The following NFASC variants were observed in gnomAD, a reference collection of about 807,000 sequenced individuals.
The protein encoded by NFASC is neurofascin, also known as neurofascin homolog.
NFASC carries 43 observed loss-of-function variants against 147.5 expected under a neutral mutation model. The observed-to-expected ratio is 0.29, with a 90% CI of 0.23 to 0.38. The LOEUF (loss-of-function observed/expected upper bound fraction) is 0.38. Among genes scored for constraint, NFASC ranks in the 10% least tolerant of loss-of-function variants. NFASC has a pLI of 1.00. For synonymous variants in NFASC, 622 were observed against 665.5 expected (o/e 0.93, Z 1.01); for missense variants, 1,320 against 1,689.0 (o/e 0.78, Z 3.83).
chr1:204,908,801 T>C (rs148026827), intron 1 of NFASC, among the ~76,000 whole-genome samples: 8 of 152,300 alleles, frequency 5.3e-5, no homozygotes, highest in Non-Finnish European at 1.2e-4. Context: ...ATATATATCA[T>C]TTCCACTATA....
intron 29 of NFASC, among the ~76,000 whole-genome samples, chr1:205,014,162 G>C (rs1041491735): frequency 1.3e-5 from 2 of 152,176 alleles, no homozygotes; most frequent in African/African-American, 4.8e-5. Flanking sequence ...GTACTGCGAG[G>C]AGTTGCTTCC....
At chr1:204,870,736 C>T (rs1331407510) in intron 1 of NFASC, 2 of 1,150,228 alleles carry the variant, frequency 1.7e-6, no homozygotes, top group East Asian at 1.3e-4. Context: ...TATTGTGTGG[C>T]GTTCCATTCA....
rs55778126 is a variant in NFASC at position 204,975,408 on chromosome 1, A to G, written c.1696A>G (p.Ile566Val). Residue 566 changes from isoleucine to valine, a missense_variant, in exon 15 of 30, where the codon ATT becomes GTT. This residue lies in a region of NFASC where 981 missense variants were observed against 1,289.5 expected (regional missense o/e 0.76). Transcript: ENST00000339876. This position sits in a 1 kb window ranked among gnomAD's most constrained non-coding sequence, Gnocchi z 4.0. ...GCTGAAGGATGACGAGCCGCTCTATATTGGAAACAGGTTTCTCTTCCCCCT... is the reference window on the plus strand; with the variant it reads ...GCTGAAGGATGACGAGCCGCTCTATGTTGGAAACAGGTTTCTCTTCCCCCT... ...SWLKDDEPLYIGNRMKKEDDS... is the reference protein window; with the variant it reads ...SWLKDDEPLYVGNRMKKEDDS... The G allele has an allele frequency of 5.9e-3, 9,546 of 1,612,542 alleles. 51 individuals carry two copies. Among genetic ancestry groups the G allele is most frequent in the East Asian group, 0.011 (498 of 44,820 alleles).
intron 1 of NFASC, among the ~76,000 whole-genome samples, chr1:204,854,491 G>A (rs143763713): frequency 6.6e-6 from 1 of 152,190 alleles, no homozygotes; most frequent in Non-Finnish European, 1.5e-5. Flanking sequence ...GGGGACCCTG[G>A]GACAGGTGGG....
chr1:204,858,266 T>A (rs1356891752), intron 1 of NFASC, among the ~76,000 whole-genome samples: 10 of 152,126 alleles, frequency 6.6e-5, no homozygotes, highest in Non-Finnish European at 1.5e-4. Flanking sequence ...GATTAAGGCC[T>A]ACCCATGTGA....
intron 1 of NFASC, among the ~76,000 whole-genome samples, chr1:204,845,343 A>G (rs1676689423): frequency 6.6e-6 from 1 of 151,710 alleles, no homozygotes; most frequent in Non-Finnish European, 1.5e-5. Context: ...TTGTAATCCC[A>G]GCTACTTGGG....
At chr1:204,848,500 A>C (rs575319072) in intron 1 of NFASC, among the ~76,000 whole-genome samples, 37 of 152,350 alleles carry the variant, frequency 2.4e-4, no homozygotes, top group African/African-American at 7.9e-4. Flanking sequence ...TGTTGTGATT[A>C]CAGGCATAAG....
At chr1:204,849,745 T>C (rs547236481) in intron 1 of NFASC, among the ~76,000 whole-genome samples, 2 of 152,212 alleles carry the variant, frequency 1.3e-5, no homozygotes, top group African/African-American at 4.8e-5. Context: ...AGTTGGGTGG[T>C]AAGGGACTGC....
At chr1:204,909,191 A>G (rs756566619) in intron 1 of NFASC, among the ~76,000 whole-genome samples, 4 of 152,176 alleles carry the variant, frequency 2.6e-5, no homozygotes, top group Non-Finnish European at 5.9e-5. Flanking sequence ...ACCATTTTAC[A>G]TTTCTACCAG....
chr1:204,917,044 C>T (rs1224041299), intron 1 of NFASC, among the ~76,000 whole-genome samples: 2 of 152,110 alleles, frequency 1.3e-5, no homozygotes, highest in Non-Finnish European at 2.9e-5. Flanking sequence ...AGTGAGACCT[C>T]ATCTCTACAA....
intron 1 of NFASC, among the ~76,000 whole-genome samples, chr1:204,905,124 G>A (rs1489311697): frequency 6.6e-6 from 1 of 151,908 alleles, no homozygotes; most frequent in East Asian, 1.9e-4. Context: ...CTGCTATGTT[G>A]CCCAGGCTGG....
chr1:204,963,242 C>A (rs1449237290), intron 8 of NFASC, among the ~76,000 whole-genome samples: 2 of 152,220 alleles, frequency 1.3e-5, no homozygotes, highest in African/African-American at 4.8e-5. Flanking sequence ...CAAAGAGATT[C>A]ACTACCCAAG....
chr1:204,891,786 G>C (rs1324385144), intron 1 of NFASC, among the ~76,000 whole-genome samples: 1 of 152,170 alleles, frequency 6.6e-6, no homozygotes, highest in South Asian at 2.1e-4. Context: ...CTCCTTGCAG[G>C]CTTGATGAAA....
intron 1 of NFASC, among the ~76,000 whole-genome samples, chr1:204,853,765 G>A (rs1010446366): frequency 6.6e-6 from 1 of 152,164 alleles, no homozygotes; most frequent in Non-Finnish European, 1.5e-5. Flanking sequence ...GAGTCCCCAT[G>A]GTGAAGGTGT....
In NFASC at chr1:204,952,043, G is replaced by C. The variant is rs1318884906; in HGVS notation, c.142G>C (p.Ala48Pro). ...GCCGCCAACCATCACCAAGCAGTCA[G>C]CGAAGGATCACATCGTGGACCCCCG... ...TQPPTITKQS[A>P]KDHIVDPRDN... The change falls in exon 5 of 30, where the codon GCG becomes CCG. Residue 48 changes from alanine to proline, a missense_variant. Physicochemically the swap from Ala to Pro is conservative, Grantham distance 27 (BLOSUM62 -1). Transcript: ENST00000339876. The C allele has an allele frequency of 1.2e-5, 20 of 1,614,044 alleles. No homozygotes were observed. Among genetic ancestry groups the C allele is most frequent in the Non-Finnish European group, 1.6e-5 (19 of 1,180,038 alleles).
chr1:204,915,180 T>C (rs1397617226), intron 1 of NFASC, among the ~76,000 whole-genome samples: 1 of 152,088 alleles, frequency 6.6e-6, no homozygotes, highest in Non-Finnish European at 1.5e-5. Flanking sequence ...CTCGGGAGGC[T>C]GAGGCAGGAG....
At chr1:204,981,187 C>T (rs1010864717) in intron 20 of NFASC, among the ~76,000 whole-genome samples, 4 of 152,258 alleles carry the variant, frequency 2.6e-5, no homozygotes, top group Non-Finnish European at 4.4e-5. Flanking sequence ...AACAGGGCAA[C>T]GGCAGCTGGG....
chr1:204,969,113 G>T, intron 10 of NFASC, 131 bp downstream of exon 10: 3 of 769,342 alleles, frequency 3.9e-6, no homozygotes, highest in Non-Finnish European at 6.3e-6. Context: ...TGGCAATGGC[G>T]ATCTGCCATG....
chr1:204,887,133 T>C (rs1467080096), intron 1 of NFASC, among the ~76,000 whole-genome samples: 1 of 152,190 alleles, frequency 6.6e-6, no homozygotes. Context: ...AAAACTCTAC[T>C]CATTAAACAA....
Sources: allele counts gnomAD v4.1 joint callset (sites outside exome capture counted in the v4.1 genomes callset), GRCh38; gene constraint gnomAD v4.1.1; regional missense constraint gnomAD v4.1.1; non-coding constraint Gnocchi (gnomAD v3.1); transcripts MANE v1.5; gene names NCBI Gene and HGNC (gene_info 2026-07-23, HGNC 2026-07-21).